The following NUP62 variants were observed in gnomAD, a reference collection of about 807,000 sequenced individuals.
NUP62 encodes the protein nucleoporin 62.
For synonymous variants in NUP62, 305 were observed against 303.4 expected, an observed-to-expected ratio of 1.01 and a Z score of -0.05; for missense variants, 647 against 689.4, an observed-to-expected ratio of 0.94 and a Z score of 0.69.
rs565856330 is a variant in NUP62, at chr19:49,920,612, C to T, written c.-78+7082G>A. On this transcript the variant is annotated intron_variant, in intron 2 of 2. Coordinates refer to ENST00000352066, the MANE Select transcript of NUP62 (RefSeq NM_016553.5). ...GCTGTGGAGGCGGATAGGCGTCAGG[C>T]TCAGAGCTGACTTTACCCCGAGGGC... is the stretch of plus-strand genomic sequence containing the variant. Among the ~76,000 whole-genome samples, 99 of 152,328 alleles carry T rather than the reference C, an allele frequency of 6.5e-4. 1 individual carries two copies. The highest frequency in any genetic ancestry group is 1.2e-3 in the Non-Finnish European group (84 of 68,030).
rs910116497 is a variant in NUP62, at chr19:49,907,683, C to T, written c.*556G>A. 12 of 359,958 alleles carry T rather than the reference C, an allele frequency of 3.3e-5. No individual in the cohort carries two copies. Among genetic ancestry groups the T allele is most frequent in the African/African-American group, 2.0e-4 (9 of 46,024 alleles). The allele number at this position is 359,958 out of a possible 1,614,324, so 22.3% of individuals were successfully genotyped here. A position where few individuals can be genotyped will look rare whatever the true frequency, so the allele number is the denominator to read the frequency against. The stretch of plus-strand genomic sequence containing the variant: ...GAGTAGCTGAGATTGAGATCACAGG[C>T]GTCCACCACACCTGACTAATTTTTG... On this transcript the variant is annotated 3_prime_UTR_variant, in exon 3 of 3. Transcript: ENST00000352066.
In NUP62 at chr19:49,907,966, T is replaced by TG. The variant is rs2075360896; in HGVS notation, c.*272dup. On this transcript the variant is annotated 3_prime_UTR_variant, in exon 3 of 3. Coordinates refer to ENST00000352066, the MANE Select transcript of NUP62 (RefSeq NM_016553.5). ...TCTCCATCACCAGGCTGAGCCAGGA[T>TG]GAGGTGGGTGGTCGCAGTAGGTGAA... 327 of 583,820 alleles carry TG rather than the reference T, an allele frequency of 5.6e-4. 5 individuals carry two copies. The South Asian group carries it at 6.3e-3, about 11-fold the overall frequency. The allele number at this position is 583,820 out of a possible 1,614,324, so 36.2% of individuals were successfully genotyped here.
At chr19:49,923,464 TC>T (rs1464640187) in intron 2 of NUP62, among the ~76,000 whole-genome samples, 7 of 152,142 alleles carry the variant, frequency 4.6e-5, no homozygotes, top group African/African-American at 1.7e-4. Flanking sequence ...CTCGAAGCGT[TC>T]GGGGGAGCAG....
chr19:49,923,293 A>G (rs1398464557), intron 2 of NUP62, among the ~76,000 whole-genome samples: 1 of 152,142 alleles, frequency 6.6e-6, no homozygotes, highest in East Asian at 1.9e-4. Context: ...TGCGTGACCC[A>G]GTTACCCTCC....
intron 1 of NUP62, chr19:49,928,617 C>G (rs377249129): frequency 6.6e-6 from 1 of 151,910 alleles, no homozygotes; most frequent in Non-Finnish European, 1.5e-5. Context: ...ACCCACCAGG[C>G]GAGTTGATTT....
intron 2 of NUP62, among the ~76,000 whole-genome samples, chr19:49,925,466 A>AG (rs1555827898): frequency 0.025 from 3,549 of 143,412 alleles, 155 homozygotes; most frequent in African/African-American, 0.084. Context: ...AAAAAAAAAT[A>AG]GCATCCTACC....
At chr19:49,925,564 C>T (rs2075867730) in intron 2 of NUP62, among the ~76,000 whole-genome samples, 1 of 152,076 alleles carries the variant, frequency 6.6e-6, no homozygotes, top group African/African-American at 2.4e-5. Flanking sequence ...AGCATTTTTC[C>T]AAACTGTCAA....
At chr19:49,927,192 C>T (rs2075917324) in intron 2 of NUP62, among the ~76,000 whole-genome samples, 1 of 152,028 alleles carries the variant, frequency 6.6e-6, no homozygotes, top group African/African-American at 2.4e-5. Context: ...CCACTTCGTA[C>T]CACAGGGGAA....
intron 2 of NUP62, among the ~76,000 whole-genome samples, chr19:49,923,087 A>AT (rs1441049288): frequency 6.6e-6 from 1 of 151,246 alleles, no homozygotes; most frequent in African/African-American, 2.4e-5. Flanking sequence ...TTTTTTTTGC[A>AT]TAAGAGCTGT....
In NUP62 at chr19:49,907,309, A is replaced by G. The variant is rs1008795110; in HGVS notation, c.*930T>C. The G allele has an allele frequency of 1.6e-5, 5 of 308,788 alleles. No homozygotes were observed. Among genetic ancestry groups the G allele is most frequent in the Non-Finnish European group, 2.5e-5 (4 of 160,294 alleles). The allele number at this position is 308,788 out of a possible 1,614,324, so 19.1% of individuals were successfully genotyped here. A position where few individuals can be genotyped will look rare whatever the true frequency, so the allele number is the denominator to read the frequency against. ...AGGCTTCCTGGAGGAGGTGAGGCCCAAGGTGGGGGTGAGCCTGGGCCAGGC... is the reference window on the plus strand; with the variant it reads ...AGGCTTCCTGGAGGAGGTGAGGCCCGAGGTGGGGGTGAGCCTGGGCCAGGC... On this transcript the variant is annotated 3_prime_UTR_variant, in exon 3 of 3. Transcript: ENST00000352066.
At chr19:49,916,769 C>CA (rs918684279) in intron 2 of NUP62, among the ~76,000 whole-genome samples, 5 of 151,768 alleles carry the variant, frequency 3.3e-5, no homozygotes, top group African/African-American at 1.2e-4. Flanking sequence ...GTCTCAAAAA[C>CA]AAAAAAACAA....
At position 49,909,781 on chromosome 19, in the gene NUP62, A is replaced by G; in HGVS notation, c.27T>C (p.Thr9=). MSGFNFGG[T]GAPTGGFTFG... is the part of the protein sequence containing the mutation. The stretch of plus-strand genomic sequence containing the variant: ...ACGTGAACCCGCCTGTAGGGGCCCC[A>G]GTGCCTCCAAAATTAAACCCGCTCA... Residue 9 remains threonine, a synonymous_variant, in exon 3 of 3, where the codon ACT becomes ACC. Coordinates refer to ENST00000352066, the MANE Select transcript of NUP62 (RefSeq NM_016553.5). The G allele has an allele frequency of 6.2e-7, 1 of 1,614,138 alleles. No individual in the cohort carries two copies. Among genetic ancestry groups the G allele is most frequent in the Non-Finnish European group, 8.5e-7 (1 of 1,180,024 alleles).
intron 2 of NUP62, among the ~76,000 whole-genome samples, chr19:49,922,598 G>A (rs1181265887): frequency 6.6e-6 from 1 of 152,016 alleles, no homozygotes; most frequent in Non-Finnish European, 1.5e-5. Context: ...ACAGCTGTGG[G>A]GAGGGGAAGT....
chr19:49,924,687 A>G (rs1233471143), intron 2 of NUP62, among the ~76,000 whole-genome samples: 3 of 152,170 alleles, frequency 2.0e-5, no homozygotes, highest in Admixed American at 2.0e-4. Context: ...CAGGGTTCGA[A>G]GATCTGGGGA....
At chr19:49,910,613 G>C (rs966721247) in intron 2 of NUP62, among the ~76,000 whole-genome samples, 12 of 151,998 alleles carry the variant, frequency 7.9e-5, no homozygotes, top group African/African-American at 2.4e-4. Context: ...TTCACCTGTA[G>C]GTGTGGTGTG....
chr19:49,908,819 T>C lies in NUP62; in HGVS notation c.989A>G (p.Tyr330Cys). The change falls in exon 3 of 3, where the codon TAC (tyrosine) becomes TGC (cysteine). Residue 330 changes from tyrosine to cysteine, a missense_variant. By Grantham distance (194) the Tyr-to-Cys change is radical. Transcript: ENST00000352066. ...AGAAASSAMT[Y>C]AQLESLINKW... The stretch of plus-strand genomic sequence containing the variant: ...GTTGATCAGGCTCTCCAGCTGCGCG[T>C]AGGTCATGGCGGAGCTGGCAGCCGC... 6.2e-7 allele frequency: 1 copy of C among 1,613,466 alleles called. No individual in the cohort carries two copies. Among genetic ancestry groups the C allele is most frequent in the Non-Finnish European group, 8.5e-7 (1 of 1,180,036 alleles).
intron 2 of NUP62, among the ~76,000 whole-genome samples, chr19:49,920,067 ATG>A (rs1445113889): frequency 3.4e-5 from 5 of 149,098 alleles, no homozygotes; most frequent in African/African-American, 1.3e-4. Context: ...GGGATTACAC[ATG>A]TGTGCCACCA....
chr19:49,911,525 T>G (rs1306412248), intron 2 of NUP62, among the ~76,000 whole-genome samples: 1 of 152,072 alleles, frequency 6.6e-6, no homozygotes, highest in Non-Finnish European at 1.5e-5. Flanking sequence ...CCAGCTTGAG[T>G]AAGAGGCAAC....
chr19:49,909,139 C>T lies in NUP62; in HGVS notation c.669G>A (p.Ala223=), dbSNP rs769656301. 33 of 1,612,606 alleles carry T rather than the reference C, an allele frequency of 2.0e-5. No homozygotes were observed. The highest frequency in any genetic ancestry group is 6.7e-5 in the East Asian group (3 of 44,890). Residue 223 remains alanine, a synonymous_variant, in exon 3 of 3, where the codon GCG becomes GCA. Coordinates refer to ENST00000352066, the MANE Select transcript of NUP62 (RefSeq NM_016553.5). Reference sequence around the variant, plus strand: ...ATGAGGTTGGAGCAGTTGCTATTGACGCAAAGAGGCTGGGCCCAGTGCTGG... The same window carrying T: ...ATGAGGTTGGAGCAGTTGCTATTGATGCAAAGAGGCTGGGCCCAGTGCTGG... The part of the protein sequence containing the change: ...TITSTGPSLF[A]SIATAPTSSA...
Sources: allele counts gnomAD v4.1 joint callset (sites outside exome capture counted in the v4.1 genomes callset), GRCh38; gene constraint gnomAD v4.1.1; transcripts MANE v1.5; gene names NCBI Gene and HGNC (gene_info 2026-07-23, HGNC 2026-07-21).